FAM135A: variants seen among roughly 807,000 people sequenced by gnomAD.
FAM135A encodes the protein protein FAM135A.
FAM135A carries 79 observed loss-of-function variants against 146.8 expected under a neutral mutation model. The ratio of observed to expected loss-of-function variants is 0.54; its 90% CI spans 0.45 to 0.65. The LOEUF (loss-of-function observed/expected upper bound fraction) is 0.65. Ranked by LOEUF, FAM135A falls within the 30% of genes least tolerant of loss-of-function variation. FAM135A has a pLI of 0.00. For missense variants in FAM135A, 1,623 were observed against 1,758.2 expected (o/e 0.92, Z 1.38); for synonymous variants, 562 against 603.6 (o/e 0.93, Z 1.01).
At chr6:70,470,389 C>G (rs547645091) in intron 5 of FAM135A, among the ~76,000 whole-genome samples, 4 of 152,114 alleles carry the variant, frequency 2.6e-5, no homozygotes, top group Non-Finnish European at 5.9e-5. Context: ...GAGTTTCACC[C>G]TGTTGCCCAA....
intron 4 of FAM135A, among the ~76,000 whole-genome samples, chr6:70,448,946 G>A (rs892076254): frequency 2.0e-5 from 3 of 152,190 alleles, no homozygotes; most frequent in African/African-American, 7.2e-5. Context: ...CAACCTTCCA[G>A]CCTGGGTGTT....
intron 4 of FAM135A, among the ~76,000 whole-genome samples, chr6:70,450,713 G>GTTGTTTTT (rs1582199140): frequency 3.4e-5 from 1 of 29,780 alleles, no homozygotes; most frequent in East Asian, 1.6e-3. Flanking sequence ...GACCCTTTTA[G>GTTGTTTTT]TTGTTTTTTT....
At position 70,525,499 on chromosome 6, in the gene FAM135A, T is replaced by G; in HGVS notation, c.2415T>G (p.Pro805=). The change falls in exon 15 of 22, where the codon CCT becomes CCG. Residue 805 remains proline (P), a synonymous_variant. Transcript: ENST00000418814. The part of the protein sequence containing the change: ...QGPCNSERLF[P]QLLMKPDYNV... ...CTTGCAATAGTGAAAGATTATTTCCTCAGCTTTTGATGAAACCTGATTATA... is the reference window on the plus strand; with the variant it reads ...CTTGCAATAGTGAAAGATTATTTCCGCAGCTTTTGATGAAACCTGATTATA... The G allele has an allele frequency of 6.2e-7, 1 of 1,612,442 alleles. No homozygotes were observed. The highest frequency in any genetic ancestry group is 8.5e-7 in the Non-Finnish European group (1 of 1,179,298).
intron 10 of FAM135A, among the ~76,000 whole-genome samples, chr6:70,488,952 A>G (rs1785271847): frequency 6.6e-6 from 1 of 152,154 alleles, no homozygotes; most frequent in South Asian, 2.1e-4. Context: ...AATTATTTTC[A>G]GTTCTAAGAT....
intron 20 of FAM135A, among the ~76,000 whole-genome samples, chr6:70,540,769 A>G (rs781315364): frequency 2.0e-5 from 3 of 152,104 alleles, no homozygotes; most frequent in East Asian, 1.9e-4. Flanking sequence ...AATCTATATT[A>G]CTGTTTTTAT....
intron 5 of FAM135A, among the ~76,000 whole-genome samples, chr6:70,470,488 C>G (rs1202691542): frequency 6.6e-6 from 1 of 152,154 alleles, no homozygotes. Flanking sequence ...TCCTAAGTAG[C>G]TGGGATTACA....
At chr6:70,531,635 G>A (rs1187814037) in intron 16 of FAM135A, among the ~76,000 whole-genome samples, 1 of 152,150 alleles carries the variant, frequency 6.6e-6, no homozygotes, top group African/African-American at 2.4e-5. Context: ...ACAAAATGAA[G>A]TTTTTCCTCA....
chr6:70,484,475 A>G (rs1374115080), intron 10 of FAM135A, among the ~76,000 whole-genome samples: 1 of 152,180 alleles, frequency 6.6e-6, no homozygotes, highest in Non-Finnish European at 1.5e-5. Flanking sequence ...GCAAATATTT[A>G]TTTCAAATAG....
At chr6:70,441,901 T>C (rs1301430869) in intron 4 of FAM135A, among the ~76,000 whole-genome samples, 1 of 152,060 alleles carries the variant, frequency 6.6e-6, no homozygotes, top group Admixed American at 6.6e-5. Context: ...GCCAGGCTGG[T>C]CTCGTACTCC....
chr6:70,550,610 T>C (rs915430046), intron 20 of FAM135A, among the ~76,000 whole-genome samples: 2 of 152,204 alleles, frequency 1.3e-5, no homozygotes, highest in African/African-American at 4.8e-5. Flanking sequence ...AATCCAGGCT[T>C]TGTTGTTCCA....
intron 12 of FAM135A, among the ~76,000 whole-genome samples, chr6:70,512,516 ATTG>A (rs1160836786): frequency 4.0e-5 from 6 of 151,686 alleles, no homozygotes; most frequent in African/African-American, 1.5e-4. Flanking sequence ...ACATGCTTGT[ATTG>A]TTTGGTGTCG....
chr6:70,467,618 C>A (rs945278563), intron 5 of FAM135A, among the ~76,000 whole-genome samples: 1 of 151,672 alleles, frequency 6.6e-6, no homozygotes, highest in East Asian at 1.9e-4. Flanking sequence ...TATGATATTT[C>A]TTCACCTTTA....
At chr6:70,494,400 T>C (rs1302195350) in intron 11 of FAM135A, among the ~76,000 whole-genome samples, 1 of 151,134 alleles carries the variant, frequency 6.6e-6, no homozygotes, top group Non-Finnish European at 1.5e-5. Context: ...GAGACTGAGG[T>C]GGGAGTACTG....
intron 4 of FAM135A, among the ~76,000 whole-genome samples, chr6:70,429,476 G>A (rs894937385): frequency 6.6e-6 from 1 of 151,386 alleles, no homozygotes; most frequent in Admixed American, 6.6e-5. Flanking sequence ...TTGCGCTAGT[G>A]CACTCCAGCC....
chr6:70,435,004 A>G (rs918832756), intron 4 of FAM135A, among the ~76,000 whole-genome samples: 2 of 151,200 alleles, frequency 1.3e-5, no homozygotes, highest in Non-Finnish European at 2.9e-5. Context: ...TACAAAGAAC[A>G]TATTATGATT....
chr6:70,529,802 C>T (rs555578820), intron 16 of FAM135A, among the ~76,000 whole-genome samples: 8 of 152,242 alleles, frequency 5.3e-5, no homozygotes, highest in African/African-American at 1.9e-4. Context: ...GTGGCTTACA[C>T]CTGTAATCCC....
At chr6:70,522,706 G>T in intron 13 of FAM135A, 120 bp downstream of exon 13, 2 of 732,062 alleles carry the variant, frequency 2.7e-6, no homozygotes, top group South Asian at 2.3e-5. Context: ...AGGAGAATTT[G>T]AATTTCAGAA....
In FAM135A at chr6:70,414,099, C is replaced by T. The variant is rs970939005; in HGVS notation, c.-220+397C>T. ...GTTCTGCTTTTTCATCCCGCGCCTC[C>T]CACGTGTCTTTTTGCCCGGGTGGTC... On this transcript the variant is annotated intron_variant, in intron 1 of 21. Transcript: ENST00000418814. 11 of 964,114 alleles carry T rather than the reference C, an allele frequency of 1.1e-5. No homozygotes were observed. The African/African-American group carries it at 1.2e-4, about 11-fold the overall frequency. The allele number at this position is 964,114 out of a possible 1,614,324, so 59.7% of individuals were successfully genotyped here.
intron 15 of FAM135A, 103 bp downstream of exon 15, chr6:70,526,801 A>G: frequency 1.2e-6 from 1 of 826,946 alleles, no homozygotes; most frequent in Non-Finnish European, 1.8e-6. Flanking sequence ...ACACACACAC[A>G]CATATATATA....
Sources: gnomAD v4.1 joint callset for allele counts (sites outside exome capture counted in the v4.1 genomes callset) on GRCh38, gnomAD v4.1.1 for gene constraint, MANE v1.5 for transcripts, NCBI Gene and HGNC (gene_info 2026-07-23, HGNC 2026-07-21) for gene names.